Variants in KITLG observed in about 807,000 individuals in gnomAD.
The protein encoded by KITLG is c-Kit ligand.
In KITLG, 13 loss-of-function variants were observed where a neutral mutation model predicts 34.1. The ratio of observed to expected loss-of-function variants is 0.38; its 90% CI spans 0.25 to 0.61. KITLG has a LOEUF of 0.61. Among genes scored for constraint, KITLG ranks in the 20% least tolerant of loss-of-function variants. The probability of loss-of-function intolerance (pLI) is 0.60; values close to 1 mark genes in which losing one functional copy is unlikely to be tolerated. For missense variants in KITLG, 292 were observed against 318.9 expected, an observed-to-expected ratio of 0.92 and a Z score of 0.64; for synonymous variants, 110 against 104.0, an observed-to-expected ratio of 1.06 and a Z score of -0.35.
chr12:88,506,338 T>G lies in KITLG; in HGVS notation c.755A>C (p.Gln252Pro), dbSNP rs1013210370. ...PSLTRAVENI[Q>P]INEEDNEISM... ...TATCTCATTATCCTCTTCATTAATTTGTATATTTTCAACTGCCCTTGTAAG... is the reference window on the plus strand; with the variant it reads ...TATCTCATTATCCTCTTCATTAATTGGTATATTTTCAACTGCCCTTGTAAG... The change falls in exon 8 of 10, where the codon CAA becomes CCA. Residue 252 changes from glutamine to proline, a missense_variant. Transcript: ENST00000644744. 13 of 1,610,300 alleles carry G rather than the reference T, an allele frequency of 8.1e-6. No individual in the cohort carries two copies. The highest frequency in any genetic ancestry group is 1.1e-5 in the Non-Finnish European group (13 of 1,176,644).
Position 88,518,321 on chromosome 12 carries a change from T to C in KITLG, c.363+376A>G, listed in dbSNP as rs529818651. On this transcript the variant is annotated intron_variant, in intron 4 of 9. Transcript: ENST00000644744. ...CCTTTGCTGTGACCTATGGGGTGAT[T>C]ACATTATGCATAAAAGGATATGTGT... is the stretch of plus-strand genomic sequence containing the variant. Among the ~76,000 whole-genome samples the C allele has an allele frequency of 3.9e-4, 60 of 152,316 alleles. 1 individual carries two copies. The South Asian group carries it at 0.011, about 27-fold the overall frequency.
At chr12:88,536,191 A>C (rs1333083123) in intron 2 of KITLG, among the ~76,000 whole-genome samples, 1 of 152,210 alleles carries the variant, frequency 6.6e-6, no homozygotes, top group Non-Finnish European at 1.5e-5. Context: ...TAAGGAACTT[A>C]AACAATTCAA....
rs1343485138 is a variant in KITLG at position 88,494,349 on chromosome 12, TA to T, written c.*2869del. 3 of 152,286 alleles carry T rather than the reference TA, an allele frequency of 2.0e-5. No homozygotes were observed. The highest frequency in any genetic ancestry group is 7.2e-5 in the African/African-American group (3 of 41,576). The allele number at this position is 152,286 out of a possible 1,614,324, so 9.4% of individuals were successfully genotyped here. A position where few individuals can be genotyped will look rare whatever the true frequency, so the allele number is the denominator to read the frequency against. On this transcript the variant is annotated 3_prime_UTR_variant, in exon 10 of 10. Coordinates refer to ENST00000644744, the MANE Select transcript of KITLG (RefSeq NM_000899.5). Reference sequence around the variant, plus strand: ...TTCTGAATGAGTTTTTCTCTTTATTTATAACTTTAGTTGAATTAGAGTAGGA... The same window carrying T: ...TTCTGAATGAGTTTTTCTCTTTATTTTAACTTTAGTTGAATTAGAGTAGGA...
intron 1 of KITLG, among the ~76,000 whole-genome samples, chr12:88,561,207 G>A (rs527561040): frequency 6.6e-6 from 1 of 152,190 alleles, no homozygotes; most frequent in Non-Finnish European, 1.5e-5. Flanking sequence ...TTATAGGTTT[G>A]CTGAGGATTA....
chr12:88,538,350 G>A (rs1231078310), intron 2 of KITLG, among the ~76,000 whole-genome samples: 1 of 151,846 alleles, frequency 6.6e-6, no homozygotes, highest in African/African-American at 2.4e-5. Flanking sequence ...GAACTCCACA[G>A]CAAGTTGCTT....
intron 1 of KITLG, among the ~76,000 whole-genome samples, chr12:88,557,290 G>T (rs1871125812): frequency 6.6e-6 from 1 of 152,106 alleles, no homozygotes; most frequent in African/African-American, 2.4e-5. Context: ...AGAATATAGG[G>T]CCTGAGTGTT....
intron 1 of KITLG, among the ~76,000 whole-genome samples, chr12:88,578,876 A>C (rs1871916784): frequency 6.6e-6 from 1 of 152,212 alleles, no homozygotes; most frequent in African/African-American, 2.4e-5. Flanking sequence ...GATTACAATA[A>C]AACTTTTCTT....
chr12:88,515,184 C>G (rs1336538970), intron 6 of KITLG, among the ~76,000 whole-genome samples: 2 of 151,616 alleles, frequency 1.3e-5, no homozygotes, highest in African/African-American at 4.8e-5. Flanking sequence ...TGTTAACAAC[C>G]AGCATTTATA....
chr12:88,522,939 T>C (rs187847701), intron 3 of KITLG, among the ~76,000 whole-genome samples: 53 of 152,250 alleles, frequency 3.5e-4, no homozygotes, highest in Admixed American at 7.2e-4. Flanking sequence ...GTTGGTGAAA[T>C]ACCAATTAGA....
At chr12:88,509,692 G>T (rs1219232157) in intron 6 of KITLG, among the ~76,000 whole-genome samples, 1 of 152,162 alleles carries the variant, frequency 6.6e-6, no homozygotes, top group Non-Finnish European at 1.5e-5. Context: ...CTCCCATAGA[G>T]GTCAATGTTA....
intron 2 of KITLG, among the ~76,000 whole-genome samples, chr12:88,535,210 C>A (rs1394942314): frequency 6.6e-6 from 1 of 152,066 alleles, no homozygotes; most frequent in African/African-American, 2.4e-5. Context: ...TCAAAGAAGG[C>A]TTATAGGAAG....
rs763863725 is a variant in KITLG, at chr12:88,505,121, A to C, written c.*37+38T>G. The C allele has an allele frequency of 1.6e-5, 18 of 1,123,200 alleles. No homozygotes were observed. In the South Asian group the frequency reaches 2.4e-4, roughly 15 times the overall value. 69.6% of individuals were successfully genotyped at this position (1,123,200 alleles called of 1,614,324 possible). On this transcript the variant is annotated intron_variant, in intron 9 of 9. Transcript: ENST00000644744. ...GTACCCTAGAACTTAAAGTATAATA[A>C]AAAAAAGAAAAAAAAAGGAAAGAAG... is the stretch of plus-strand genomic sequence containing the variant.
At chr12:88,568,300 T>C (rs1871518229) in intron 1 of KITLG, among the ~76,000 whole-genome samples, 1 of 149,650 alleles carries the variant, frequency 6.7e-6, no homozygotes, top group African/African-American at 2.4e-5. Flanking sequence ...TTTATTTATT[T>C]ATTTATTTAT....
intron 3 of KITLG, among the ~76,000 whole-genome samples, chr12:88,526,954 C>T (rs1259612404): frequency 6.7e-6 from 1 of 149,804 alleles, no homozygotes; most frequent in Admixed American, 6.7e-5. Flanking sequence ...CTGAAAACTC[C>T]ACCTCCCAGG....
chr12:88,525,448 A>T (rs569918739), intron 3 of KITLG, among the ~76,000 whole-genome samples: 1 of 152,314 alleles, frequency 6.6e-6, no homozygotes, highest in African/African-American at 2.4e-5. Flanking sequence ...GACTATATGC[A>T]TTGGATTGTC....
intron 1 of KITLG, among the ~76,000 whole-genome samples, chr12:88,562,076 T>C (rs1283312176): frequency 6.6e-6 from 1 of 152,244 alleles, no homozygotes; most frequent in Non-Finnish European, 1.5e-5. Context: ...ATACATGGTA[T>C]AAGAATGAGG....
intron 9 of KITLG, among the ~76,000 whole-genome samples, chr12:88,502,207 G>T (rs1458022565): frequency 6.6e-6 from 1 of 151,998 alleles, no homozygotes; most frequent in Non-Finnish European, 1.5e-5. Context: ...AGTGAGCTGG[G>T]TTTTTTTCTG....
At chr12:88,503,768 C>T (rs184838380) in intron 9 of KITLG, among the ~76,000 whole-genome samples, 84 of 152,230 alleles carry the variant, frequency 5.5e-4, no homozygotes, top group African/African-American at 1.9e-3. Flanking sequence ...GTCTGCCATG[C>T]GTTTATGTTC....
chr12:88,575,435 T>C (rs1169449978), intron 1 of KITLG, among the ~76,000 whole-genome samples: 7 of 152,154 alleles, frequency 4.6e-5, no homozygotes, highest in African/African-American at 9.7e-5. Context: ...CTTTTTTCTA[T>C]AGAGAAAGAA....
Sources: allele counts gnomAD v4.1 joint callset (sites outside exome capture counted in the v4.1 genomes callset), GRCh38; gene constraint gnomAD v4.1.1; transcripts MANE v1.5; gene names NCBI Gene and HGNC (gene_info 2026-07-23, HGNC 2026-07-21).